ANKRD12: variants seen among roughly 807,000 people sequenced by gnomAD.
ANKRD12 encodes ankyrin repeat domain-containing protein 12.
Under a neutral mutation model 183.4 loss-of-function variants are expected in ANKRD12, and 85 were observed. The observed-to-expected ratio is 0.46, with a 90% CI of 0.39 to 0.56. The LOEUF (loss-of-function observed/expected upper bound fraction) is 0.56, where lower values mean the gene tolerates loss of function less well. Among genes scored for constraint, ANKRD12 ranks in the 20% least tolerant of loss-of-function variants. The pLI is 0.00. For missense variants in ANKRD12, 2,405 were observed against 2,357.1 expected (o/e 1.02, Z -0.42); for synonymous variants, 914 against 800.2 (o/e 1.14, Z -2.40).
At chr18:9,259,038 A>G (rs774984342) in intron 9 of ANKRD12, 107 bp downstream of exon 9, 1 of 1,279,740 alleles carries the variant, frequency 7.8e-7, no homozygotes, top group Non-Finnish European at 1.1e-6. Context: ...TAATTTCAGC[A>G]AAATAATCTG....
At chr18:9,182,550 T>C (rs758784044) in intron 2 of ANKRD12, 31 bp downstream of exon 2, 15 of 1,436,168 alleles carry the variant, frequency 1.0e-5, no homozygotes, top group Non-Finnish European at 1.4e-5. Context: ...TTTGTTGACT[T>C]TTTGAACTGG....
chr18:9,223,833 T>C (rs1395816783), intron 8 of ANKRD12, among the ~76,000 whole-genome samples: 1 of 152,242 alleles, frequency 6.6e-6, no homozygotes, highest in African/African-American at 2.4e-5. Flanking sequence ...GTAGACATTG[T>C]ATACGTAACC....
At chr18:9,242,022 C>T (rs887254661) in intron 8 of ANKRD12, among the ~76,000 whole-genome samples, 23 of 151,532 alleles carry the variant, frequency 1.5e-4, no homozygotes, top group African/African-American at 5.6e-4. Flanking sequence ...GTCAAAATAT[C>T]TTTGACTTGC....
At chr18:9,276,540 C>T (rs1293922991) in intron 11 of ANKRD12, among the ~76,000 whole-genome samples, 1 of 151,772 alleles carries the variant, frequency 6.6e-6, no homozygotes, top group Non-Finnish European at 1.5e-5. Flanking sequence ...ATGGTGAAAC[C>T]CCGTCTTTAC....
At chr18:9,278,767 G>C (rs1368173114) in intron 11 of ANKRD12, among the ~76,000 whole-genome samples, 1 of 151,718 alleles carries the variant, frequency 6.6e-6, no homozygotes, top group Non-Finnish European at 1.5e-5. Context: ...CTGGGTAACA[G>C]AGAGAGACTC....
chr18:9,259,197 A>G (rs1345231895), intron 9 of ANKRD12, among the ~76,000 whole-genome samples: 3 of 152,226 alleles, frequency 2.0e-5, no homozygotes, highest in African/African-American at 4.8e-5. Context: ...ACAAATTTAA[A>G]TTAGAACTTT....
chr18:9,195,817 T>C (rs2034752198), intron 3 of ANKRD12, 119 bp downstream of exon 3: 1 of 940,070 alleles, frequency 1.1e-6, no homozygotes, highest in Non-Finnish European at 1.5e-6. Context: ...TATTTCACTA[T>C]TTCAGATTTA....
chr18:9,266,520 TTCA>T (rs1453104006), intron 10 of ANKRD12, among the ~76,000 whole-genome samples: 1 of 152,124 alleles, frequency 6.6e-6, no homozygotes, highest in Non-Finnish European at 1.5e-5. Context: ...CAAACTAAGC[TTCA>T]TAAGTGAAGG....
intron 8 of ANKRD12, chr18:9,239,553 A>G (rs2037539761): frequency 1.6e-6 from 2 of 1,276,454 alleles, no homozygotes; most frequent in East Asian, 1.1e-4. Context: ...TACAAAAATC[A>G]TCAGTAAGTA....
intron 1 of ANKRD12, 47 bp from the exon 2 acceptor site, chr18:9,182,335 C>CTTCAGG: frequency 4.5e-5 from 30 of 663,302 alleles, no homozygotes; most frequent in Non-Finnish European, 6.4e-5. Flanking sequence ...GGTGCGTAAC[C>CTTCAGG]TATTGTATAT....
chr18:9,270,317 T>C (rs1392248591), intron 10 of ANKRD12, among the ~76,000 whole-genome samples: 2 of 152,198 alleles, frequency 1.3e-5, no homozygotes, highest in Non-Finnish European at 2.9e-5. Flanking sequence ...TGCACACGTA[T>C]GTTTATTGCG....
chr18:9,260,627 T>C (rs952448547), intron 9 of ANKRD12, among the ~76,000 whole-genome samples: 21 of 152,132 alleles, frequency 1.4e-4, no homozygotes, highest in African/African-American at 4.8e-4. Flanking sequence ...AGTGCATCCA[T>C]GAGAAGCTGT....
At chr18:9,274,091 A>T (rs930775001) in intron 10 of ANKRD12, among the ~76,000 whole-genome samples, 2 of 152,232 alleles carry the variant, frequency 1.3e-5, no homozygotes, top group African/African-American at 4.8e-5. Flanking sequence ...ATTCCCTGTC[A>T]CTGGTCACAA....
At chr18:9,187,540 A>C (rs2034171084) in intron 2 of ANKRD12, among the ~76,000 whole-genome samples, 1 of 152,218 alleles carries the variant, frequency 6.6e-6, no homozygotes, top group Non-Finnish European at 1.5e-5. Flanking sequence ...CACTCCTTAA[A>C]TTCATTTAAG....
At chr18:9,232,476 T>C (rs1001672971) in intron 8 of ANKRD12, among the ~76,000 whole-genome samples, 7 of 152,350 alleles carry the variant, frequency 4.6e-5, no homozygotes, top group Admixed American at 1.3e-4. Flanking sequence ...CTGAGAAGTC[T>C]GCTGTTAGTC....
At chr18:9,274,808 T>C (rs1053018543) in intron 10 of ANKRD12, among the ~76,000 whole-genome samples, 2 of 152,236 alleles carry the variant, frequency 1.3e-5, no homozygotes, top group Admixed American at 1.3e-4. Flanking sequence ...AAATTTGGGT[T>C]ACTTAGCTTG....
intron 7 of ANKRD12, among the ~76,000 whole-genome samples, chr18:9,218,703 T>C (rs1278134631): frequency 1.3e-5 from 2 of 151,860 alleles, no homozygotes; most frequent in Non-Finnish European, 1.5e-5. Context: ...AGCATCTTGC[T>C]GTATCACCCA....
intron 8 of ANKRD12, among the ~76,000 whole-genome samples, chr18:9,230,958 A>G (rs987509840): frequency 6.6e-6 from 1 of 151,778 alleles, no homozygotes; most frequent in Non-Finnish European, 1.5e-5. Flanking sequence ...GTAAGCCACC[A>G]TGCCTGGCCT....
chr18:9,156,953 A>C (rs1338905248), intron 1 of ANKRD12, among the ~76,000 whole-genome samples: 1 of 152,234 alleles, frequency 6.6e-6, no homozygotes, highest in Non-Finnish European at 1.5e-5. Flanking sequence ...GATAGAAAGA[A>C]TGGTGATTAC....
Sources: gnomAD v4.1 joint callset for allele counts (sites outside exome capture counted in the v4.1 genomes callset) on GRCh38, gnomAD v4.1.1 for gene constraint, MANE v1.5 for transcripts, NCBI Gene and HGNC (gene_info 2026-07-23, HGNC 2026-07-21) for gene names.